Variants in FOXP2 observed in about 807,000 individuals in gnomAD.
The protein encoded by FOXP2 is forkhead box P2, also known as forkhead box protein P2.
FOXP2 carries 12 observed loss-of-function variants against 115.8 expected under a neutral mutation model. That is an observed-to-expected ratio of 0.10 (90% confidence interval 0.07 to 0.17). The LOEUF (loss-of-function observed/expected upper bound fraction) is 0.17, where lower values mean the gene tolerates loss of function less well. Ranked by LOEUF, FOXP2 falls within the 10% of genes least tolerant of loss-of-function variation. The pLI, the probability that FOXP2 is intolerant of heterozygous loss-of-function variation, is 1.00. For synonymous variants in FOXP2, 328 were observed against 297.7 expected (o/e 1.10, Z -1.05); for missense variants, 629 against 843.5 (o/e 0.75, Z 3.15).
Position 114,233,790 on chromosome 7 carries a change from A to T in FOXP2, c.-101-54229A>T, listed in dbSNP as rs532711876. ...CACTTTGGGTGGCTGAGGCAGGCAG[A>T]TCACTTGATGCCAGGAGTTTGAGAC... On this transcript the variant is annotated intron_variant, in intron 1 of 17. Coordinates refer to the FOXP2 transcript ENST00000634411. Among the ~76,000 whole-genome samples the T allele has an allele frequency of 9.2e-5, 14 of 152,352 alleles. No homozygotes were observed. The South Asian group carries it at 2.9e-3, about 32-fold the overall frequency.
chr7:114,230,265 G>C (rs1433890342), intron 1 of FOXP2, among the ~76,000 whole-genome samples: 1 of 151,734 alleles, frequency 6.6e-6, no homozygotes, highest in Non-Finnish European at 1.5e-5. Context: ...AAGTCCAGAC[G>C]GTTTCACTGG....
chr7:114,523,492 A>G (rs1003820034), intron 2 of FOXP2, among the ~76,000 whole-genome samples: 8 of 151,990 alleles, frequency 5.3e-5, no homozygotes, highest in African/African-American at 1.9e-4. Flanking sequence ...CTGCGGTAGC[A>G]TTTCCTTGCC....
chr7:114,168,959 G>A (rs1005605642), intron 1 of FOXP2, among the ~76,000 whole-genome samples: 2 of 152,228 alleles, frequency 1.3e-5, no homozygotes, highest in African/African-American at 4.8e-5. Flanking sequence ...CAGCTTCCAT[G>A]TGGTATTGAG....
chr7:114,111,355 C>A (rs1346010319), intron 1 of FOXP2, among the ~76,000 whole-genome samples: 2 of 152,092 alleles, frequency 1.3e-5, no homozygotes, highest in Non-Finnish European at 2.9e-5. Context: ...GAGAGACTTA[C>A]CACAAGGGCC....
intron 2 of FOXP2, among the ~76,000 whole-genome samples, chr7:114,353,645 A>G (rs1251153291): frequency 6.6e-6 from 1 of 152,138 alleles, no homozygotes; most frequent in Non-Finnish European, 1.5e-5. Context: ...CCTCATAAGT[A>G]TCATAATACT....
intron 2 of FOXP2, among the ~76,000 whole-genome samples, chr7:114,533,678 C>T (rs1799245370): frequency 6.6e-6 from 1 of 151,724 alleles, no homozygotes; most frequent in Admixed American, 6.6e-5. Flanking sequence ...TGAAAAATTT[C>T]ATCATTAGTG....
chr7:114,264,210 G>T (rs1795837469), intron 1 of FOXP2, among the ~76,000 whole-genome samples: 1 of 152,156 alleles, frequency 6.6e-6, no homozygotes, highest in Non-Finnish European at 1.5e-5. Context: ...AAAGATGTTT[G>T]ATGATGTCAT....
At chr7:114,134,306 AGTG>A (rs1476491189) in intron 1 of FOXP2, among the ~76,000 whole-genome samples, 1 of 152,116 alleles carries the variant, frequency 6.6e-6, no homozygotes, top group African/African-American at 2.4e-5. Flanking sequence ...GTGGGGCATG[AGTG>A]TAGTCCCTTG....
At chr7:114,335,902 G>A (rs1324163945) in intron 2 of FOXP2, among the ~76,000 whole-genome samples, 2 of 151,698 alleles carry the variant, frequency 1.3e-5, no homozygotes, top group Non-Finnish European at 3.0e-5. Flanking sequence ...TGATCAAAAT[G>A]TGATGTGATA....
chr7:114,475,088 T>G (rs1796200516), intron 2 of FOXP2, among the ~76,000 whole-genome samples: 1 of 152,082 alleles, frequency 6.6e-6, no homozygotes, highest in African/African-American at 2.4e-5. Flanking sequence ...ATCCATTCAC[T>G]TGTCAATTTA....
intron 1 of FOXP2, among the ~76,000 whole-genome samples, chr7:114,171,033 G>A (rs966990290): frequency 6.6e-6 from 1 of 152,210 alleles, no homozygotes; most frequent in African/African-American, 2.4e-5. Context: ...AGGACAGGCT[G>A]ACTCTTTTGT....
At chr7:114,146,391 C>G (rs1240031916) in intron 1 of FOXP2, among the ~76,000 whole-genome samples, 1 of 152,136 alleles carries the variant, frequency 6.6e-6, no homozygotes, top group Non-Finnish European at 1.5e-5. Context: ...CTTTTATTTT[C>G]TTAGCTTGGA....
In FOXP2 at chr7:114,642,632, C is replaced by T. The variant is rs1437521841; in HGVS notation, c.989+9C>T. ...AGTGCAAGACGAGACAGGTAAATCT[C>T]ATGAGCTTTATTCTATATTTATCTA... is the stretch of plus-strand genomic sequence containing the variant. On this transcript the variant is annotated intron_variant, in intron 7 of 16. Coordinates refer to ENST00000350908, the MANE Select transcript of FOXP2 (RefSeq NM_014491.4). 2 of 1,606,990 alleles carry T rather than the reference C, an allele frequency of 1.2e-6. No homozygotes were observed. Among genetic ancestry groups the T allele is most frequent in the Non-Finnish European group, 1.7e-6 (2 of 1,174,240 alleles).
At chr7:114,271,724 T>C (rs1197718048) in intron 1 of FOXP2, among the ~76,000 whole-genome samples, 1 of 117,654 alleles carries the variant, frequency 8.5e-6, no homozygotes. Flanking sequence ...ACATATGTAT[T>C]AAATATATAT....
intron 1 of FOXP2, among the ~76,000 whole-genome samples, chr7:114,253,988 A>C (rs927855615): frequency 1.3e-5 from 2 of 152,088 alleles, no homozygotes; most frequent in East Asian, 3.9e-4. Context: ...GGCAGGCCTG[A>C]TGGTGACAAA....
At chr7:114,678,117 G>A (rs535262698) in intron 16 of FOXP2, among the ~76,000 whole-genome samples, 5 of 152,268 alleles carry the variant, frequency 3.3e-5, no homozygotes, top group East Asian at 1.9e-4. Flanking sequence ...TAGGCTTAAC[G>A]TGAAGTCAAT....
At chr7:114,252,018 CA>C in intron 1 of FOXP2, among the ~76,000 whole-genome samples, 1 of 152,250 alleles carries the variant, frequency 6.6e-6, no homozygotes, top group African/African-American at 2.4e-5. Flanking sequence ...TGAATTTTGT[CA>C]AAGGCCTTTT....
intron 1 of FOXP2, among the ~76,000 whole-genome samples, chr7:114,099,654 A>G (rs1799732406): frequency 6.6e-6 from 1 of 152,198 alleles, no homozygotes; most frequent in Admixed American, 6.5e-5. Context: ...AAACTGTGGT[A>G]TATTCAGTTT....
chr7:114,493,481 GAGGT>G (rs893438905), intron 2 of FOXP2, among the ~76,000 whole-genome samples: 3 of 152,084 alleles, frequency 2.0e-5, no homozygotes, highest in African/African-American at 7.2e-5. Context: ...GTGAAGACAG[GAGGT>G]ATATGAAAAA....
Sources: allele counts gnomAD v4.1 joint callset (sites outside exome capture counted in the v4.1 genomes callset), GRCh38; gene constraint gnomAD v4.1.1; transcripts MANE v1.5; gene names NCBI Gene and HGNC (gene_info 2026-07-23, HGNC 2026-07-21).